Variants in FRMPD4 observed in about 807,000 individuals in gnomAD.
FRMPD4 encodes FERM and PDZ domain containing 4.
FRMPD4 carries 22 observed loss-of-function variants against 94.1 expected under a neutral mutation model. That is an observed-to-expected ratio of 0.23 (90% CI 0.17 to 0.33). FRMPD4 has a LOEUF of 0.33. Among genes scored for constraint, FRMPD4 ranks in the 10% least tolerant of loss-of-function variants. The pLI is 1.00. For missense variants in FRMPD4, 1,111 were observed against 1,339.9 expected (o/e 0.83, Z 2.67); for synonymous variants, 631 against 548.6 (o/e 1.15, Z -2.10).
intron 1 of FRMPD4, among the ~76,000 whole-genome samples, chrX:12,379,487 G>A (rs2056289120): frequency 8.9e-6 from 1 of 111,828 alleles, no homozygotes; most frequent in Non-Finnish European, 1.9e-5. Flanking sequence ...AAATAAGTCT[G>A]CTGCTCTTTA....
chrX:12,451,026 G>A (rs897842822), intron 1 of FRMPD4, among the ~76,000 whole-genome samples: 1 of 109,926 alleles, frequency 9.1e-6, no homozygotes. Flanking sequence ...TTACCTCCAT[G>A]ACATCATTTC....
At chrX:12,179,547 T>C (rs895739272) in intron 1 of FRMPD4, among the ~76,000 whole-genome samples, 3 of 111,526 alleles carry the variant, frequency 2.7e-5, no homozygotes, top group African/African-American at 6.5e-5. Context: ...ACATGGAAAA[T>C]GGGAGGTTTT....
chrX:12,687,110 A>G (rs1194643401), intron 7 of FRMPD4, among the ~76,000 whole-genome samples: 1 of 111,937 alleles, frequency 8.9e-6, no homozygotes, highest in Non-Finnish European at 1.9e-5. Flanking sequence ...CATAGACCTC[A>G]CACATAGAAG....
chrX:12,375,693 A>G (rs753390710), intron 1 of FRMPD4, among the ~76,000 whole-genome samples: 1 of 112,174 alleles, frequency 8.9e-6, no homozygotes, highest in African/African-American at 3.2e-5. Flanking sequence ...CGATCCAACA[A>G]CACCACAGAC....
Position 12,267,832 on chromosome X carries a change from C to T in FRMPD4, c.41+128820C>T, listed in dbSNP as rs773162383. Among the ~76,000 whole-genome samples the T allele has an allele frequency of 5.3e-5, 6 of 112,873 alleles. No homozygotes were observed. In the South Asian group the frequency reaches 2.2e-3, roughly 41 times the overall value. On this transcript the variant is annotated intron_variant, in intron 1 of 16. Coordinates refer to ENST00000675598, the MANE Select transcript of FRMPD4 (RefSeq NM_001368397.1). ...AGGAATCTACCAGGAATATCTGTAA[C>T]TCCCTTCTATAGGTTGAGTCCCCAG...
chrX:12,183,109 G>GCTATCTAT (rs34434788), intron 1 of FRMPD4, among the ~76,000 whole-genome samples: 59 of 107,543 alleles, frequency 5.5e-4, no homozygotes, highest in African/African-American at 1.7e-3. Flanking sequence ...TGTCATTGTT[G>GCTATCTAT]CTATCTATCT....
At chrX:12,387,860 C>G (rs1404356620) in intron 1 of FRMPD4, among the ~76,000 whole-genome samples, 1 of 109,340 alleles carries the variant, frequency 9.1e-6, no homozygotes, top group African/African-American at 3.3e-5. Flanking sequence ...GGTCTTAGCA[C>G]ATCTGAGAGC....
intron 1 of FRMPD4, among the ~76,000 whole-genome samples, chrX:12,149,516 C>A (rs1185381252): frequency 8.9e-6 from 1 of 111,817 alleles, no homozygotes; most frequent in Non-Finnish European, 1.9e-5. Context: ...CTTAGTGGAG[C>A]CTTAAGATGG....
At chrX:12,663,279 A>G (rs2059737788) in intron 4 of FRMPD4, among the ~76,000 whole-genome samples, 1 of 112,025 alleles carries the variant, frequency 8.9e-6, no homozygotes, top group Admixed American at 9.5e-5. Flanking sequence ...CCCCATGCCT[A>G]TGTCCTGAAT....
intron 1 of FRMPD4, among the ~76,000 whole-genome samples, chrX:11,858,470 C>T (rs1320607434): frequency 9.0e-6 from 1 of 111,227 alleles, no homozygotes. Flanking sequence ...CCAAAGACCA[C>T]GTGTTCTCAC....
chrX:12,505,168 T>G (rs1020496127), intron 2 of FRMPD4, among the ~76,000 whole-genome samples: 1 of 112,035 alleles, frequency 8.9e-6, no homozygotes, highest in Non-Finnish European at 1.9e-5. Context: ...CAGCCTGTAA[T>G]TGAAATACTA....
chrX:12,103,686 C>G (rs12858056), intron 3 of FRMPD4, among the ~76,000 whole-genome samples: 17,809 of 110,527 alleles, frequency 0.16, 1,062 homozygotes, highest in South Asian at 0.35. Context: ...TTTCTTAATG[C>G]AAAAGTAAAT....
chrX:12,379,031 CA>C (rs1428928263), intron 1 of FRMPD4, among the ~76,000 whole-genome samples: 1 of 111,776 alleles, frequency 8.9e-6, no homozygotes, highest in African/African-American at 3.3e-5. Context: ...TTCAGAGACA[CA>C]AAAAACCCTG....
intron 1 of FRMPD4, among the ~76,000 whole-genome samples, chrX:12,300,363 C>T (rs2054840434): frequency 9.0e-6 from 1 of 111,494 alleles, no homozygotes; most frequent in Non-Finnish European, 1.9e-5. Flanking sequence ...AGGGGAGGGC[C>T]AGTAAGGCTC....
intron 3 of FRMPD4, among the ~76,000 whole-genome samples, chrX:11,968,868 G>C (rs761342484): frequency 8.9e-6 from 1 of 112,297 alleles, no homozygotes; most frequent in Non-Finnish European, 1.9e-5. Context: ...CTTAGCCAAA[G>C]TTACACATGG....
At chrX:12,162,006 A>G (rs1569174789) in intron 1 of FRMPD4, among the ~76,000 whole-genome samples, 1 of 111,537 alleles carries the variant, frequency 9.0e-6, no homozygotes, top group African/African-American at 3.3e-5. Context: ...ATTTGGACCC[A>G]TACGGCCTTT....
chrX:12,473,581 G>A (rs9698915), intron 1 of FRMPD4, among the ~76,000 whole-genome samples: 16,373 of 108,642 alleles, frequency 0.15, 1,814 homozygotes, highest in African/African-American at 0.32. Flanking sequence ...CCTCATGTGC[G>A]GAGACACACA....
intron 1 of FRMPD4, among the ~76,000 whole-genome samples, chrX:12,303,850 A>G (rs937355311): frequency 8.9e-6 from 1 of 112,438 alleles, no homozygotes; most frequent in African/African-American, 3.2e-5. Flanking sequence ...ATTTAGAAAG[A>G]GAAAAAACTC....
rs758062150 is a variant in FRMPD4, at chrX:12,113,897, C to T, written c.95+235879C>T. On this transcript the variant is annotated intron_variant, in intron 3 of 18. Coordinates refer to the FRMPD4 transcript ENST00000640291. ...AGATATTGGGGCAATTTAAACATTA[C>T]GATGAAAAGAGGACCTTTTGCATAG... 3.6e-5 allele frequency among the ~76,000 whole-genome samples: 4 copies of T among 111,541 alleles called. No individual in the cohort carries two copies. In the South Asian group the frequency reaches 1.1e-3, roughly 32 times the overall value.
Sources: gnomAD v4.1 joint callset for allele counts (sites outside exome capture counted in the v4.1 genomes callset) on GRCh38, gnomAD v4.1.1 for gene constraint, MANE v1.5 for transcripts, NCBI Gene and HGNC (gene_info 2026-07-23, HGNC 2026-07-21) for gene names.